GNAQ: variants seen among roughly 807,000 people sequenced by gnomAD.
The protein encoded by GNAQ is G protein subunit alpha q, also known as guanine nucleotide-binding protein G(q) subunit alpha.
GNAQ carries 8 observed loss-of-function variants against 43.9 expected under a neutral mutation model. The observed-to-expected ratio is 0.18, with a 90% CI of 0.11 to 0.33. The LOEUF (loss-of-function observed/expected upper bound fraction) is 0.33. GNAQ is among the 10% of genes least tolerant of loss of function. GNAQ has a pLI of 1.00. For missense variants in GNAQ, 158 were observed against 450.8 expected, an observed-to-expected ratio of 0.35 and a Z score of 5.88; for synonymous variants, 155 against 170.7, an observed-to-expected ratio of 0.91 and a Z score of 0.71.
chr9:77,920,001 T>C (rs968044199), intron 2 of GNAQ, among the ~76,000 whole-genome samples: 4 of 152,060 alleles, frequency 2.6e-5, no homozygotes, highest in Non-Finnish European at 4.4e-5. Context: ...TAGCTGGGCA[T>C]GGTGGTGCAC....
chr9:77,745,574 A>G (rs977445694), intron 5 of GNAQ, among the ~76,000 whole-genome samples: 2 of 151,242 alleles, frequency 1.3e-5, no homozygotes, highest in African/African-American at 4.9e-5. Flanking sequence ...GGATTTCAAA[A>G]AAAAAATCTT....
chr9:77,828,600 C>T (rs1205751800), intron 2 of GNAQ, among the ~76,000 whole-genome samples: 1 of 152,202 alleles, frequency 6.6e-6, no homozygotes, highest in East Asian at 1.9e-4. Context: ...CAGTAAATTA[C>T]TTTAGGTCAG....
intron 3 of GNAQ, among the ~76,000 whole-genome samples, chr9:77,813,961 CAG>C (rs1289713713): frequency 6.6e-6 from 1 of 152,052 alleles, no homozygotes; most frequent in Non-Finnish European, 1.5e-5. Flanking sequence ...AAGTGAGAAG[CAG>C]AGAGGAGTTA....
intron 2 of GNAQ, among the ~76,000 whole-genome samples, chr9:77,826,962 C>T (rs904742891): frequency 1.3e-5 from 2 of 152,186 alleles, no homozygotes; most frequent in Admixed American, 1.3e-4. Context: ...ATCATTTCTA[C>T]GGTTCTTACC....
chr9:77,731,738 G>T (rs1644066269), intron 5 of GNAQ, among the ~76,000 whole-genome samples: 1 of 152,186 alleles, frequency 6.6e-6, no homozygotes, highest in Admixed American at 6.5e-5. Context: ...CCGAGGGTCT[G>T]CATTTCTAAC....
chr9:77,836,995 T>C (rs572615126), intron 2 of GNAQ, among the ~76,000 whole-genome samples: 1 of 152,302 alleles, frequency 6.6e-6, no homozygotes, highest in African/African-American at 2.4e-5. Flanking sequence ...TTCAAAATTA[T>C]GATGTTCTCT....
intron 1 of GNAQ, among the ~76,000 whole-genome samples, chr9:77,930,641 ATG>A (rs1475970577): frequency 1.3e-5 from 2 of 152,180 alleles, no homozygotes. Flanking sequence ...ACATATTTTG[ATG>A]TGTGGTGTGC....
intron 1 of GNAQ, among the ~76,000 whole-genome samples, chr9:77,930,313 ATTTC>A (rs1039690270): frequency 1.6e-4 from 24 of 152,260 alleles, no homozygotes; most frequent in Admixed American, 9.8e-4. Context: ...GTCCATTTCT[ATTTC>A]TTCTATGAAC....
intron 6 of GNAQ, among the ~76,000 whole-genome samples, chr9:77,727,538 A>G (rs1218229204): frequency 6.6e-6 from 1 of 152,196 alleles, no homozygotes; most frequent in Admixed American, 6.5e-5. Flanking sequence ...AGTGGATGCT[A>G]TAGATTCTAA....
At chr9:77,976,325 T>C (rs771168469) in intron 1 of GNAQ, among the ~76,000 whole-genome samples, 2 of 152,116 alleles carry the variant, frequency 1.3e-5, no homozygotes, top group Non-Finnish European at 2.9e-5. Flanking sequence ...GTGGTAAAAA[T>C]TGGCAGCCAA....
chr9:77,761,497 T>G (rs1232824646), intron 5 of GNAQ, among the ~76,000 whole-genome samples: 12 of 78,758 alleles, frequency 1.5e-4, no homozygotes, highest in African/African-American at 1.5e-4. Flanking sequence ...GGGAGGGAGG[T>G]GGGGAGGTCA....
chr9:77,723,007 G>A lies in GNAQ; in HGVS notation c.890-1494C>T, dbSNP rs113978564. On this transcript the variant is annotated intron_variant, in intron 6 of 6. Transcript: ENST00000286548. ...ATGGGAGAAAATATTTACAAATCATGTCATCTGATAGGCGTTTAGTGTCCA... is the reference window on the plus strand; with the variant it reads ...ATGGGAGAAAATATTTACAAATCATATCATCTGATAGGCGTTTAGTGTCCA... Among the ~76,000 whole-genome samples the A allele has an allele frequency of 5.6e-3, 860 of 152,282 alleles. 2 individuals are homozygous for A. Among genetic ancestry groups the A allele is most frequent in the African/African-American group, 0.02 (814 of 41,560 alleles).
intron 5 of GNAQ, among the ~76,000 whole-genome samples, chr9:77,761,453 G>C (rs1245722063): frequency 7.2e-6 from 1 of 139,742 alleles, no homozygotes; most frequent in Non-Finnish European, 1.6e-5. Context: ...GGAGGTTGGG[G>C]GGTCAGCCCC....
chr9:77,739,789 C>A (rs1825626554), intron 5 of GNAQ, among the ~76,000 whole-genome samples: 1 of 152,134 alleles, frequency 6.6e-6, no homozygotes, highest in African/African-American at 2.4e-5. Context: ...TCTGATCTTA[C>A]AGTTGATGAA....
intron 2 of GNAQ, among the ~76,000 whole-genome samples, chr9:77,890,302 C>T (rs1159236289): frequency 3.3e-5 from 5 of 152,166 alleles, no homozygotes; most frequent in Non-Finnish European, 7.3e-5. Context: ...AATAATTTAT[C>T]GAAGCCATCT....
intron 2 of GNAQ, 104 bp downstream of exon 2, chr9:77,922,057 C>A (rs1407592427): frequency 5.0e-6 from 3 of 594,302 alleles, no homozygotes; most frequent in African/African-American, 1.8e-5. Flanking sequence ...TATTTCCAAA[C>A]CCCCCTATGC....
chr9:77,830,781 G>A (rs1275143306), intron 2 of GNAQ, among the ~76,000 whole-genome samples: 1 of 152,030 alleles, frequency 6.6e-6, no homozygotes, highest in Non-Finnish European at 1.5e-5. Context: ...TGGATATTTG[G>A]ATATGTTTCC....
At chr9:77,873,826 C>T (rs1460876999) in intron 2 of GNAQ, among the ~76,000 whole-genome samples, 4 of 152,172 alleles carry the variant, frequency 2.6e-5, no homozygotes, top group Non-Finnish European at 5.9e-5. Flanking sequence ...AAAGCCTTTG[C>T]CGGGCGCGGT....
At chr9:77,727,044 G>A (rs1333819921) in intron 6 of GNAQ, among the ~76,000 whole-genome samples, 1 of 152,072 alleles carries the variant, frequency 6.6e-6, no homozygotes, top group Non-Finnish European at 1.5e-5. Context: ...ACCAGGTGGT[G>A]GGCCATAAGG....
Sources: gnomAD v4.1 joint callset for allele counts (sites outside exome capture counted in the v4.1 genomes callset) on GRCh38, gnomAD v4.1.1 for gene constraint, MANE v1.5 for transcripts, NCBI Gene and HGNC (gene_info 2026-07-23, HGNC 2026-07-21) for gene names.